The following RAC2 variants were observed in gnomAD, a reference collection of about 807,000 sequenced individuals.
RAC2 encodes the protein ras-related C3 botulinum toxin substrate 2.
RAC2 carries 1 observed loss-of-function variant against 24.0 expected under a neutral mutation model. The observed-to-expected ratio is 0.04, with a 90% CI of 0.01 to 0.20. The LOEUF is 0.20. Among genes scored for constraint, RAC2 ranks in the 10% least tolerant of loss-of-function variants. The pLI is 1.00. For missense variants in RAC2, 130 were observed against 259.1 expected, an observed-to-expected ratio of 0.50 and a Z score of 3.42; for synonymous variants, 114 against 106.8, an observed-to-expected ratio of 1.07 and a Z score of -0.41.
rs1328480839 is a variant in RAC2 at position 37,231,826 on chromosome 22, T to C, written c.288+106A>G. ...GTTGGCACTGGGGACCCTCTCTGTA[T>C]GCGACCTCTGCTGCCCCAGGGACCA... On this transcript the variant is annotated intron_variant, in intron 4 of 6. Coordinates refer to ENST00000249071, the MANE Select transcript of RAC2 (RefSeq NM_002872.5). This position sits in a 1 kb window ranked among gnomAD's most constrained non-coding sequence, Gnocchi z 5.5. 7.5e-7 allele frequency: 1 copy of C among 1,338,142 alleles called. No homozygotes were observed. The highest frequency in any genetic ancestry group is 1.5e-5 in the African/African-American group (1 of 68,718). The allele number at this position is 1,338,142 out of a possible 1,614,324, so 82.9% of individuals were successfully genotyped here.
intron 1 of RAC2, among the ~76,000 whole-genome samples, chr22:37,242,251 G>A (rs1162676238): frequency 1.3e-5 from 2 of 152,186 alleles, no homozygotes; most frequent in Non-Finnish European, 1.5e-5. Context: ...CCTCCCCCGT[G>A]GAGCAGAGCA....
intron 2 of RAC2, chr22:37,240,785 C>T (rs79198890): frequency 3.8e-4 from 193 of 514,348 alleles, no homozygotes; most frequent in African/African-American, 3.2e-3. Flanking sequence ...ACTGGAGCTG[C>T]GCCTGGAGGC....
At chr22:37,232,101 A>AGCATCCCCTG in intron 3 of RAC2, 107 bp from the exon 4 acceptor site, 3 of 1,140,798 alleles carry the variant, frequency 2.6e-6, no homozygotes, top group Non-Finnish European at 3.9e-6. Flanking sequence ...GGAACACCCC[A>AGCATCCCCTG]GGGAATGCTG....
At chr22:37,234,993 C>A (rs1304578167) in intron 2 of RAC2, among the ~76,000 whole-genome samples, 1 of 152,232 alleles carries the variant, frequency 6.6e-6, no homozygotes, top group Non-Finnish European at 1.5e-5. Flanking sequence ...TGAGTCTCCA[C>A]CCCTTCAAGG....
chr22:37,232,985 A>C, intron 2 of RAC2, 67 bp from the exon 3 acceptor site: 1 of 1,222,228 alleles, frequency 8.2e-7, no homozygotes, highest in Non-Finnish European at 1.2e-6. Context: ...ATTGTGGTCC[A>C]GCTCCATGTC....
At chr22:37,237,114 G>C (rs539598787) in intron 2 of RAC2, among the ~76,000 whole-genome samples, 1 of 151,950 alleles carries the variant, frequency 6.6e-6, no homozygotes, top group East Asian at 1.9e-4. Context: ...GCTTGAACCC[G>C]GGAGGCAGAG....
At chr22:37,239,711 C>G (rs567809374) in intron 2 of RAC2, among the ~76,000 whole-genome samples, 1 of 152,256 alleles carries the variant, frequency 6.6e-6, no homozygotes, top group South Asian at 2.1e-4. Context: ...GCAAGTGGGT[C>G]CTTCAACTCA....
At position 37,225,694 on chromosome 22, in the gene RAC2, G is replaced by C. The variant is rs1926806736; in HGVS notation, c.*348C>G. 1.3e-5 allele frequency: 2 copies of C among 152,448 alleles called. No individual in the cohort carries two copies. Among genetic ancestry groups the C allele is most frequent in the African/African-American group, 4.8e-5 (2 of 41,570 alleles). The allele number at this position is 152,448 out of a possible 1,614,324, so 9.4% of individuals were successfully genotyped here. A position where few individuals can be genotyped will look rare whatever the true frequency, so the allele number is the denominator to read the frequency against. ...AACCATCTGGCCTGCAGTTTCCAGA[G>C]GGGAGTCAGGCGTGGGGTGGGACTG... On this transcript the variant is annotated 3_prime_UTR_variant, in exon 7 of 7. Transcript: ENST00000249071.
chr22:37,239,429 GA>G (rs1199899663), intron 2 of RAC2, among the ~76,000 whole-genome samples: 1 of 152,212 alleles, frequency 6.6e-6, no homozygotes, highest in Admixed American at 6.5e-5. Context: ...ATCCTTCGGA[GA>G]GACTTGGGAA....
intron 2 of RAC2, among the ~76,000 whole-genome samples, chr22:37,234,768 C>T (rs983785437): frequency 1.3e-5 from 2 of 152,162 alleles, no homozygotes; most frequent in Non-Finnish European, 2.9e-5. Flanking sequence ...CCACACCCTC[C>T]AGGCTGCCCA....
intron 5 of RAC2, among the ~76,000 whole-genome samples, chr22:37,229,215 T>A (rs1347912104): frequency 6.6e-6 from 1 of 152,004 alleles, no homozygotes; most frequent in South Asian, 2.1e-4. Context: ...CAGTCTCCCA[T>A]CTGTCTAGGA....
In RAC2 at chr22:37,244,218, G is replaced by T. The variant is rs559497396; in HGVS notation, c.-70C>A. 5.5e-5 allele frequency: 87 copies of T among 1,581,144 alleles called. 1 individual carries two copies. Among genetic ancestry groups the T allele is most frequent in the South Asian group, 1.6e-4 (14 of 88,668 alleles). On this transcript the variant is annotated 5_prime_UTR_variant, in exon 1 of 7. Transcript: ENST00000249071. ...AGGCGCGTTTCTGCGGGCGCAAGGG[G>T]TGTGGAGGCTGGTGAGGCGCCTGCT...
At chr22:37,229,370 AC>A (rs996578951) in intron 5 of RAC2, among the ~76,000 whole-genome samples, 5 of 151,954 alleles carry the variant, frequency 3.3e-5, no homozygotes, top group African/African-American at 7.3e-5. Flanking sequence ...GAGCCAGTCC[AC>A]CCCTGTCAGA....
intron 2 of RAC2, among the ~76,000 whole-genome samples, chr22:37,234,646 G>A (rs1010905610): frequency 6.6e-6 from 1 of 152,028 alleles, no homozygotes; most frequent in Admixed American, 6.6e-5. Context: ...GCCGTTTCCC[G>A]GGAAAGGCTC....
chr22:37,235,902 G>A (rs1438078948), intron 2 of RAC2, among the ~76,000 whole-genome samples: 1 of 152,188 alleles, frequency 6.6e-6, no homozygotes, highest in Non-Finnish European at 1.5e-5. Flanking sequence ...CTTCTCTGAG[G>A]CCAGGCAGGG....
At position 37,241,589 on chromosome 22, in the gene RAC2, G is replaced by A. The variant is rs760366847; in HGVS notation, c.105C>T (p.Thr35=). ...CCCACATATCCCCAGGAACTCACAC[G>A]GTGGGGATGTACTCTCCGGGAAAGG... ...TNAFPGEYIP[T]VFDNYSANVM... is the part of the protein sequence containing the mutation. The change falls in exon 2 of 7, where the codon ACC becomes ACT. Residue 35 remains threonine, a splice_region_variant and synonymous_variant. Transcript: ENST00000249071. The A allele has an allele frequency of 1.9e-5, 30 of 1,612,332 alleles. No individual in the cohort carries two copies. Among genetic ancestry groups the A allele is most frequent in the Middle Eastern group, 1.6e-4 (1 of 6,080 alleles).
At chr22:37,236,332 G>T (rs1013406847) in intron 2 of RAC2, among the ~76,000 whole-genome samples, 1 of 152,170 alleles carries the variant, frequency 6.6e-6, no homozygotes, top group African/African-American at 2.4e-5. Flanking sequence ...CACCCCTGAG[G>T]GTCCCCCTTA....
intron 2 of RAC2, among the ~76,000 whole-genome samples, chr22:37,235,172 A>T (rs1056515756): frequency 3.3e-5 from 5 of 152,122 alleles, no homozygotes; most frequent in African/African-American, 1.2e-4. Flanking sequence ...AGAGTAACAC[A>T]AAAGACACCT....
rs541619457 is a variant in RAC2, at chr22:37,236,794, T to A, written c.108-3876A>T. On this transcript the variant is annotated intron_variant, in intron 2 of 6. Transcript: ENST00000249071. ...TAGTGACTTGGGGGTGAGAAAGGAT[T>A]GATGTCATAGGGGCACGGACCAGTC... Among the ~76,000 whole-genome samples the A allele has an allele frequency of 3.9e-5, 6 of 152,070 alleles. No individual in the cohort carries two copies. In the South Asian group the frequency reaches 1.2e-3, roughly 32 times the overall value.
Sources: gnomAD v4.1 joint callset for allele counts (sites outside exome capture counted in the v4.1 genomes callset) on GRCh38, gnomAD v4.1.1 for gene constraint, Gnocchi (gnomAD v3.1) non-coding constraint, MANE v1.5 for transcripts, NCBI Gene and HGNC (gene_info 2026-07-23, HGNC 2026-07-21) for gene names.